The following PCDHA4 variants were observed in gnomAD, a reference collection of about 807,000 sequenced individuals.
PCDHA4 encodes protocadherin alpha-4.
In PCDHA4, 49 loss-of-function variants were observed where a neutral mutation model predicts 61.4. The ratio of observed to expected loss-of-function variants is 0.80; its 90% CI spans 0.63 to 1.01. The LOEUF (loss-of-function observed/expected upper bound fraction) is 1.01, where lower values mean the gene tolerates loss of function less well. PCDHA4 is among the 50% of genes least tolerant of loss of function. The pLI, the probability that PCDHA4 is intolerant of heterozygous loss-of-function variation, is 0.00. For synonymous variants in PCDHA4, 590 were observed against 550.3 expected (o/e 1.07, Z -1.01); for missense variants, 1,254 against 1,235.8 (o/e 1.01, Z -0.22).
chr5:140,842,636 G>A, intron 1 of PCDHA4: 2 of 1,591,718 alleles, frequency 1.3e-6, no homozygotes, highest in South Asian at 1.1e-5. Flanking sequence ...GTGGGCCACC[G>A]CCAGCTTGTC....
chr5:140,830,499 C>A (rs2150187273), intron 1 of PCDHA4: 4 of 1,454,248 alleles, frequency 2.8e-6, no homozygotes, highest in Non-Finnish European at 3.7e-6. Flanking sequence ...AGTGAATTTT[C>A]ATAATTAACA....
intron 1 of PCDHA4, chr5:140,822,462 C>T (rs1325678435): frequency 1.2e-6 from 2 of 1,613,398 alleles, no homozygotes; most frequent in East Asian, 2.2e-5. Flanking sequence ...AGTTGTTGAT[C>T]AATGTATTGG....
At position 140,824,023 on chromosome 5, in the gene PCDHA4, T is replaced by A. The variant is rs201009574; in HGVS notation, c.2385+14451T>A. The A allele has an allele frequency of 1.6e-5, 26 of 1,614,080 alleles. No homozygotes were observed. The Admixed American group carries it at 2.3e-4, about 14-fold the overall frequency. ...CAGCGCGGTGGGGAGCTGGTCGTAC[T>A]CGCAGCAGAGGAGACAGAGGGTGTG... On this transcript the variant is annotated intron_variant, in intron 1 of 3. Coordinates refer to ENST00000530339, the MANE Select transcript of PCDHA4 (RefSeq NM_018907.4).
At position 140,809,818 on chromosome 5, in the gene PCDHA4, T is replaced by G. The variant is rs548189609; in HGVS notation, c.2385+246T>G. On this transcript the variant is annotated intron_variant, in intron 1 of 3. Transcript: ENST00000530339. Reference sequence around the variant, plus strand: ...TAATTTCTAGTAAATTTTCACTATATTCACCCTCTTTGTTTTTGGTAATAA... The same window carrying G: ...TAATTTCTAGTAAATTTTCACTATAGTCACCCTCTTTGTTTTTGGTAATAA... 7.8e-5 allele frequency: 31 copies of G among 395,844 alleles called. No homozygotes were observed. The East Asian group carries it at 1.3e-3, about 16-fold the overall frequency. The allele number at this position is 395,844 out of a possible 1,614,324, so 24.5% of individuals were successfully genotyped here.
chr5:140,846,294 A>G (rs2150386529), intron 1 of PCDHA4, among the ~76,000 whole-genome samples: 1 of 149,296 alleles, frequency 6.7e-6, no homozygotes, highest in Non-Finnish European at 1.5e-5. Flanking sequence ...AGTTCTATGA[A>G]TTAAGTAAAC....
At chr5:140,821,904 C>A (rs1360851482) in intron 1 of PCDHA4, 2 of 1,614,102 alleles carry the variant, frequency 1.2e-6, no homozygotes, top group Non-Finnish European at 1.7e-6. Context: ...ACGGAACCTT[C>A]GTTGGCCGCA....
chr5:140,991,227 A>G (rs1172819040), intron 3 of PCDHA4, among the ~76,000 whole-genome samples: 2 of 152,224 alleles, frequency 1.3e-5, no homozygotes, highest in African/African-American at 4.8e-5. Flanking sequence ...TCATTAATAA[A>G]TGCAGTGGTA....
chr5:140,836,075 A>G (rs2150252045), intron 1 of PCDHA4: 15 of 1,613,656 alleles, frequency 9.3e-6, no homozygotes, highest in South Asian at 2.2e-5. Context: ...ACGCGCCGGC[A>G]CTGCTGGCGC....
At position 140,941,204 on chromosome 5, in the gene PCDHA4, TTTCTTTCTTC is replaced by T. The variant is rs1554213952; in HGVS notation, c.2386-37744_2386-37735del. Among the ~76,000 whole-genome samples, 512 of 88,682 alleles carry T rather than the reference TTTCTTTCTTC, an allele frequency of 5.8e-3. 4 individuals are homozygous for T. Among genetic ancestry groups the T allele is most frequent in the African/African-American group, 0.011 (178 of 16,048 alleles). The allele number at this position is 88,682 out of a possible 152,430, so 58.2% of individuals were successfully genotyped here. ...CTGCTTCTTTTTTTTTCTTTCTTCC[TTTCTTTCTTC>T]CTTTCTTTCTTTCTTTCTTTCTTTC... On this transcript the variant is annotated intron_variant, in intron 1 of 3. Coordinates refer to ENST00000530339, the MANE Select transcript of PCDHA4 (RefSeq NM_018907.4).
intron 1 of PCDHA4, chr5:140,866,712 T>C (rs2049515311): frequency 6.6e-6 from 1 of 152,156 alleles, no homozygotes; most frequent in South Asian, 2.1e-4. Context: ...CGTGCACTAG[T>C]AAGACATTAA....
At chr5:140,863,749 G>C (rs1346198553) in intron 1 of PCDHA4, 1 of 245,376 alleles carries the variant, frequency 4.1e-6, no homozygotes, top group Non-Finnish European at 8.0e-6. Flanking sequence ...TTGTAATCCC[G>C]GCACTTTGGG....
chr5:140,857,420 G>T lies in PCDHA4; in HGVS notation c.2385+47848G>T. The T allele has an allele frequency of 6.9e-6, 11 of 1,598,360 alleles. 1 individual carries two copies. Among genetic ancestry groups the T allele is most frequent in the Non-Finnish European group, 8.6e-6 (10 of 1,167,812 alleles). On this transcript the variant is annotated intron_variant, in intron 1 of 3. Coordinates refer to ENST00000530339, the MANE Select transcript of PCDHA4 (RefSeq NM_018907.4). Reference sequence around the variant, plus strand: ...CAACGCGCCTGCGTTCGCGCAGTCCGAGTACACGGTGTTCGTGAAGGAGAA... The same window carrying T: ...CAACGCGCCTGCGTTCGCGCAGTCCTAGTACACGGTGTTCGTGAAGGAGAA...
rs1554124735 is a variant in PCDHA4 at position 140,808,730 on chromosome 5, G to A, written c.1543G>A (p.Gly515Ser). ...SSYVSVHAESGKVYALQPLDH... is the reference protein window; with the variant it reads ...SSYVSVHAESSKVYALQPLDH... ...CTACGTTTCGGTGCATGCGGAGAGC[G>A]GCAAGGTGTACGCGCTGCAGCCGCT... is the stretch of plus-strand genomic sequence containing the variant. Residue 515 changes from glycine (G) to serine (S), a missense_variant, in exon 1 of 4, where the codon GGC becomes AGC. Coordinates refer to ENST00000530339, the MANE Select transcript of PCDHA4 (RefSeq NM_018907.4). 7 of 1,612,050 alleles carry A rather than the reference G, an allele frequency of 4.3e-6. No homozygotes were observed. Among genetic ancestry groups the A allele is most frequent in the Non-Finnish European group, 5.9e-6 (7 of 1,179,812 alleles).
Position 140,876,841 on chromosome 5 carries a change from C to T in PCDHA4, c.2385+67269C>T, listed in dbSNP as rs782712356. ...GAACGACAATGCGCCTGCGTTCGCGCAGCCCGAGTACACAGTGTTCGTGAA... is the reference window on the plus strand; with the variant it reads ...GAACGACAATGCGCCTGCGTTCGCGTAGCCCGAGTACACAGTGTTCGTGAA... On this transcript the variant is annotated intron_variant, in intron 1 of 3. Transcript: ENST00000530339. 4.3e-6 allele frequency: 7 copies of T among 1,614,130 alleles called. No homozygotes were observed. In the South Asian group the frequency reaches 7.7e-5, roughly 18 times the overall value.
chr5:140,994,892 G>A (rs1554254386), intron 3 of PCDHA4, among the ~76,000 whole-genome samples: 2 of 152,192 alleles, frequency 1.3e-5, no homozygotes, highest in Non-Finnish European at 2.9e-5. Flanking sequence ...TAGGAAATGA[G>A]ATCAGAAATG....
chr5:140,853,203 G>A lies in PCDHA4; in HGVS notation c.2385+43631G>A. The A allele has an allele frequency of 3.1e-6, 3 of 982,590 alleles. 1 individual carries two copies. 60.9% of individuals were successfully genotyped at this position (982,590 alleles called of 1,614,324 possible). A position where few individuals can be genotyped will look rare whatever the true frequency, so the allele number is the denominator to read the frequency against. The stretch of plus-strand genomic sequence containing the variant: ...CTAAAATGTGTTCTTTATTATTGAC[G>A]GCTGTATTGATGGGATTGGTAATTT... On this transcript the variant is annotated intron_variant, in intron 1 of 3. Coordinates refer to ENST00000530339, the MANE Select transcript of PCDHA4 (RefSeq NM_018907.4).
chr5:140,967,401 G>A lies in PCDHA4; in HGVS notation c.2386-11548G>A. On this transcript the variant is annotated intron_variant, in intron 1 of 3. Transcript: ENST00000530339. ...AGTAAAGTGCTTGAGCTGGTGCTGC[G>A]TAAGGGCCTAGACCGGGAGCAGGCA... 3.1e-6 allele frequency: 5 copies of A among 1,611,944 alleles called. No individual in the cohort carries two copies. Among genetic ancestry groups the A allele is most frequent in the East Asian group, 2.2e-5 (1 of 44,806 alleles).
intron 1 of PCDHA4, among the ~76,000 whole-genome samples, chr5:140,954,347 G>A (rs145658065): frequency 0.023 from 3,565 of 152,288 alleles, 49 homozygotes; most frequent in Middle Eastern, 0.034. Flanking sequence ...CTAGATCTTT[G>A]AGGAATCGCC....
chr5:140,870,975 G>A, intron 1 of PCDHA4: 1 of 1,613,610 alleles, frequency 6.2e-7, no homozygotes, highest in Non-Finnish European at 8.5e-7. Context: ...TCCGCGTGGG[G>A]CTGTACACGG....
Sources: allele counts gnomAD v4.1 joint callset (sites outside exome capture counted in the v4.1 genomes callset), GRCh38; gene constraint gnomAD v4.1.1; transcripts MANE v1.5; gene names NCBI Gene and HGNC (gene_info 2026-07-23, HGNC 2026-07-21).